FANCB: variants seen among roughly 807,000 people sequenced by gnomAD.
The protein encoded by FANCB is FA complementation group B.
A neutral mutation model predicts 38.9 loss-of-function variants in FANCB; 5 were observed. That is an observed-to-expected ratio of 0.13 (90% CI 0.07 to 0.27). The LOEUF (loss-of-function observed/expected upper bound fraction) is 0.27. Ranked by LOEUF, FANCB falls within the 10% of genes least tolerant of loss-of-function variation. The pLI is 1.00. For missense variants in FANCB, 573 were observed against 602.7 expected (o/e 0.95, Z 0.52); for synonymous variants, 236 against 215.4 (o/e 1.10, Z -0.84).
the FANCB span, among the ~76,000 whole-genome samples, chrX:14,691,251 C>T: frequency 9.5e-6 from 1 of 104,953 alleles, no homozygotes; most frequent in Admixed American, 1.0e-4. Context: ...CTTTAAAATC[C>T]TGGTTCTTCT....
chrX:14,769,719 G>A, the FANCB span, among the ~76,000 whole-genome samples: 1 of 111,311 alleles, frequency 9.0e-6, no homozygotes, highest in African/African-American at 3.3e-5. Context: ...GTTTGCTCTT[G>A]GTTCTCTAGT....
At chrX:14,815,796 A>G in the FANCB span, among the ~76,000 whole-genome samples, 5 of 112,286 alleles carry the variant, frequency 4.5e-5, no homozygotes, top group Non-Finnish European at 7.5e-5. Context: ...TAAAGAAAAT[A>G]TGGTACATAT....
the FANCB span, among the ~76,000 whole-genome samples, chrX:14,740,414 A>T: frequency 9.0e-6 from 1 of 111,489 alleles, no homozygotes; most frequent in Non-Finnish European, 1.9e-5. Flanking sequence ...CCCTCCAAGC[A>T]TAGTGGCCAC....
At chrX:14,796,519 CAT>C in the FANCB span, among the ~76,000 whole-genome samples, 31 of 93,940 alleles carry the variant, frequency 3.3e-4, no homozygotes, top group African/African-American at 8.5e-4. Context: ...TAATATATAA[CAT>C]ATATAATCTA....
chrX:14,784,930 C>T, the FANCB span, among the ~76,000 whole-genome samples: 1 of 111,890 alleles, frequency 8.9e-6, no homozygotes, highest in Non-Finnish European at 1.9e-5. Context: ...AACCAAACAG[C>T]GCATGTTCTC....
At chrX:14,713,433 T>TG in the FANCB span, among the ~76,000 whole-genome samples, 1 of 112,267 alleles carries the variant, frequency 8.9e-6, no homozygotes, top group Non-Finnish European at 1.9e-5. Context: ...TGCAAGGCAT[T>TG]GCTTCTCTTA....
chrX:14,871,759 T>A (rs1342794144), intron 1 of FANCB, among the ~76,000 whole-genome samples: 1 of 111,178 alleles, frequency 9.0e-6, no homozygotes, highest in African/African-American at 3.3e-5. Flanking sequence ...GCATTATATA[T>A]GTTCTATTTA....
the FANCB span, among the ~76,000 whole-genome samples, chrX:14,753,749 T>C: frequency 1.8e-5 from 2 of 111,558 alleles, no homozygotes; most frequent in African/African-American, 6.5e-5. Context: ...ACTTGCATCA[T>C]GTTTGTTAAT....
the FANCB span, among the ~76,000 whole-genome samples, chrX:14,725,080 C>T: frequency 8.9e-6 from 1 of 111,797 alleles, no homozygotes; most frequent in Non-Finnish European, 1.9e-5. Context: ...AGCACTATAA[C>T]TATAGGAAGC....
downstream of FANCB, chrX:14,835,092 G>C: frequency 1.8e-6 from 1 of 548,318 alleles, no homozygotes; most frequent in Non-Finnish European, 3.3e-6. Flanking sequence ...TTTCAAAGTT[G>C]CCAGTGTTAA....
chrX:14,712,102 A>G, the FANCB span, among the ~76,000 whole-genome samples: 2 of 112,925 alleles, frequency 1.8e-5, no homozygotes, highest in South Asian at 7.2e-4. Context: ...TACCTTTTCC[A>G]TAGTATCTGG....
chrX:14,828,078 T>C, the FANCB span, among the ~76,000 whole-genome samples: 16 of 112,435 alleles, frequency 1.4e-4, no homozygotes, highest in Non-Finnish European at 5.6e-5. Flanking sequence ...CTAAAAACCA[T>C]AATATATATA....
At chrX:14,793,253 T>C in the FANCB span, among the ~76,000 whole-genome samples, 1 of 112,424 alleles carries the variant, frequency 8.9e-6, no homozygotes, top group Non-Finnish European at 1.9e-5. Flanking sequence ...ACACATGCTA[T>C]AACATGAATG....
chrX:14,705,298 G>GTTCTCAGCCA, the FANCB span, among the ~76,000 whole-genome samples: 1 of 111,633 alleles, frequency 9.0e-6, no homozygotes, highest in Non-Finnish European at 1.9e-5. Context: ...TAAGGCAGTG[G>GTTCTCAGCCA]TTCTCAGCCA....
At position 14,844,628 on chromosome X, in the gene FANCB, C is replaced by T. The variant is rs1569083287; in HGVS notation, c.2040G>A (p.Met680Ile). 1 of 1,209,186 alleles carries T rather than the reference C, an allele frequency of 8.3e-7. No individual in the cohort carries two copies. The highest frequency in any genetic ancestry group is 3.0e-5 in the East Asian group (1 of 33,822). Residue 680 changes from methionine to isoleucine, a missense_variant, in exon 9 of 10, where the codon ATG (methionine) becomes ATA (isoleucine). Physicochemically the swap from Met to Ile is conservative, Grantham distance 10. Transcript: ENST00000650831. ...GAAATTCTTTGATTATTTCACATTT[C>T]ATATGTTCTAAGAGCCACACCTTCA... The part of the protein sequence containing the change: ...NSMKVWLLEH[M>I]KCEIIKEFPE...
chrX:14,811,093 A>G, the FANCB span, among the ~76,000 whole-genome samples: 1 of 111,158 alleles, frequency 9.0e-6, no homozygotes, highest in African/African-American at 3.3e-5. Flanking sequence ...GAGAAATAAA[A>G]TACTTTACAG....
the FANCB span, among the ~76,000 whole-genome samples, chrX:14,821,242 T>C: frequency 8.9e-6 from 1 of 111,923 alleles, no homozygotes; most frequent in Non-Finnish European, 1.9e-5. Flanking sequence ...CTACAATGGC[T>C]AAAATACTAT....
the FANCB span, among the ~76,000 whole-genome samples, chrX:14,804,040 T>C: frequency 8.9e-6 from 1 of 112,047 alleles, no homozygotes; most frequent in Non-Finnish European, 1.9e-5. Flanking sequence ...TTGGTGGGAC[T>C]GTAAACTAGT....
At chrX:14,823,553 C>T in the FANCB span, among the ~76,000 whole-genome samples, 2 of 111,835 alleles carry the variant, frequency 1.8e-5, no homozygotes, top group Non-Finnish European at 3.8e-5. Flanking sequence ...CTTACAGCGA[C>T]CATCTTACTG....
Sources: gnomAD v4.1 joint callset for allele counts (sites outside exome capture counted in the v4.1 genomes callset) on GRCh38, gnomAD v4.1.1 for gene constraint, MANE v1.5 for transcripts, NCBI Gene and HGNC (gene_info 2026-07-23, HGNC 2026-07-21) for gene names.